Variants in VPS13D observed in about 807,000 individuals in gnomAD.
The protein encoded by VPS13D is vacuolar protein sorting 13 homolog D.
Under a neutral mutation model 461.9 loss-of-function variants are expected in VPS13D, and 187 were observed. The ratio of observed to expected loss-of-function variants is 0.40; its 90% CI spans 0.36 to 0.46. The LOEUF (loss-of-function observed/expected upper bound fraction) is 0.46, where lower values mean the gene tolerates loss of function less well. Ranked by LOEUF, VPS13D falls within the 20% of genes least tolerant of loss-of-function variation. VPS13D has a pLI of 0.60. For synonymous variants in VPS13D, 1,951 were observed against 1,986.3 expected (o/e 0.98, Z 0.47); for missense variants, 4,711 against 5,364.9 (o/e 0.88, Z 3.81).
chr1:12,416,887 C>A, intron 65 of VPS13D, 60 bp downstream of exon 65: 1 of 1,477,416 alleles, frequency 6.8e-7, no homozygotes, highest in Non-Finnish European at 9.0e-7. Context: ...TACAGTACTA[C>A]AATTTCTTTT....
In VPS13D at chr1:12,507,534, A is replaced by G. The variant is rs1206570424; in HGVS notation, c.13035+441A>G. On this transcript the variant is annotated intron_variant, in intron 69 of 69. Coordinates refer to ENST00000620676, the MANE Select transcript of VPS13D (RefSeq NM_015378.4). The surrounding 1 kb of genome is among the most constrained non-coding windows in gnomAD (Gnocchi z 5.3). ...AAACCGTAACTTTTGTTCTAGTAGC[A>G]TCTAGCATGCTCAATAATTATTTGT... 16 of 439,126 alleles carry G rather than the reference A, an allele frequency of 3.6e-5. No individual in the cohort carries two copies. The highest frequency in any genetic ancestry group is 6.3e-5 in the Non-Finnish European group (14 of 221,890). 27.2% of individuals were successfully genotyped at this position (439,126 alleles called of 1,614,324 possible). A position where few individuals can be genotyped will look rare whatever the true frequency, so the allele number is the denominator to read the frequency against.
chr1:12,241,258 A>G (rs989862912), intron 2 of VPS13D, among the ~76,000 whole-genome samples: 1 of 152,164 alleles, frequency 6.6e-6, no homozygotes, highest in Non-Finnish European at 1.5e-5. Context: ...TCTTCTTTAG[A>G]AGCCAGTAAC....
chr1:12,501,505 G>A (rs554649429), intron 68 of VPS13D, among the ~76,000 whole-genome samples: 1 of 152,220 alleles, frequency 6.6e-6, no homozygotes, highest in Non-Finnish European at 1.5e-5. Context: ...GCTAAATCAG[G>A]AGTTCTAAGA....
chr1:12,244,284 C>G lies in VPS13D; in HGVS notation c.214C>G (p.Arg72Gly), dbSNP rs780422216. The change falls in exon 4 of 70, where the codon CGC becomes GGC. Residue 72 changes from arginine (R) to glycine (G), a missense_variant. This residue lies in a region of VPS13D where 4,411 missense variants were observed against 4,937.8 expected (regional missense o/e 0.89). Transcript: ENST00000620676. ...AGTAACCCTTCAGATTCCCTTTTAT[C>G]GCCCCCATGTGGACCCTTGGGTGAT... Reference protein sequence around the residue: ...GKVTLQIPFYRPHVDPWVISI... With the variant: ...GKVTLQIPFYGPHVDPWVISI... 2 of 1,613,564 alleles carry G rather than the reference C, an allele frequency of 1.2e-6. No homozygotes were observed. The highest frequency in any genetic ancestry group is 2.2e-5 in the South Asian group (2 of 90,936).
intron 20 of VPS13D, among the ~76,000 whole-genome samples, chr1:12,280,947 T>A (rs545774291): frequency 4.6e-5 from 7 of 152,118 alleles, no homozygotes; most frequent in South Asian, 4.1e-4. Flanking sequence ...TTTAATTTTT[T>A]AAAAAGTTGA....
At chr1:12,405,609 A>G (rs974735541) in intron 63 of VPS13D, among the ~76,000 whole-genome samples, 30 of 152,200 alleles carry the variant, frequency 2.0e-4, no homozygotes, top group African/African-American at 7.0e-4. Context: ...TGTCTGCTTC[A>G]TTCGCTTTAA....
intron 56 of VPS13D, 22 bp from the exon 57 acceptor site, chr1:12,379,466 C>A: frequency 1.2e-6 from 2 of 1,606,034 alleles, no homozygotes; most frequent in South Asian, 2.2e-5. Flanking sequence ...TTTCATGGTT[C>A]ATTGTGTATT....
chr1:12,393,835 G>A (rs1184397483), intron 60 of VPS13D, among the ~76,000 whole-genome samples: 2 of 152,232 alleles, frequency 1.3e-5, no homozygotes, highest in African/African-American at 4.8e-5. Context: ...ATGCATTCTG[G>A]CACTGGTGAC....
In VPS13D at chr1:12,249,328, G is replaced by A. The variant is rs777005353; in HGVS notation, c.553G>A (p.Val185Met). 3.1e-6 allele frequency: 5 copies of A among 1,612,744 alleles called. No homozygotes were observed. The highest frequency in any genetic ancestry group is 1.7e-5 in the Admixed American group (1 of 59,800). Residue 185 changes from valine (V) to methionine (M), a missense_variant, in exon 6 of 70, where the codon GTG becomes ATG. Coordinates refer to ENST00000620676, the MANE Select transcript of VPS13D (RefSeq NM_015378.4). ...CIKNVSMQNA[V>M]NEPVQKLMRK... ...TAAGAATGTGTCCATGCAAAATGCT[G>A]TGAATGAGCCTGTGAGTATGAAATG...
intron 22 of VPS13D, 139 bp downstream of exon 22, chr1:12,288,452 T>C (rs536869268): frequency 1.4e-6 from 1 of 723,738 alleles, no homozygotes; most frequent in African/African-American, 1.7e-5. Flanking sequence ...TGGCCAGGAT[T>C]CATGGTGGTG....
chr1:12,486,644 C>A lies in VPS13D; in HGVS notation c.12663-10856C>A, dbSNP rs192462359. On this transcript the variant is annotated intron_variant, in intron 67 of 69. Coordinates refer to ENST00000620676, the MANE Select transcript of VPS13D (RefSeq NM_015378.4). The stretch of plus-strand genomic sequence containing the variant: ...GTCGGTAACTTTCTAGTGTCCCCCC[C>A]ACGTTGGAATGATCAGCATTCCTGT... Among the ~76,000 whole-genome samples, 51 of 152,344 alleles carry A rather than the reference C, an allele frequency of 3.3e-4. 1 individual carries two copies. In the East Asian group the frequency reaches 8.5e-3, roughly 25 times the overall value.
rs1646047787 is a variant in VPS13D at position 12,502,445 on chromosome 1, A to G, written c.12795-4408A>G. Among the ~76,000 whole-genome samples the G allele has an allele frequency of 6.6e-6, 1 of 151,994 alleles. No homozygotes were observed. Among genetic ancestry groups the G allele is most frequent in the African/African-American group, 2.4e-5 (1 of 41,360 alleles). On this transcript the variant is annotated intron_variant, in intron 68 of 69. Coordinates refer to ENST00000620676, the MANE Select transcript of VPS13D (RefSeq NM_015378.4). This position sits in a 1 kb window ranked among gnomAD's most constrained non-coding sequence, Gnocchi z 4.3. Reference sequence around the variant, plus strand: ...TGGAGAAGGAGCATCTCCCCAGTGGACGAGCTGAGGTCCCCTGAAGAGGGC... The same window carrying G: ...TGGAGAAGGAGCATCTCCCCAGTGGGCGAGCTGAGGTCCCCTGAAGAGGGC...
At chr1:12,449,409 A>T (rs1321341181) in intron 65 of VPS13D, among the ~76,000 whole-genome samples, 10 of 149,044 alleles carry the variant, frequency 6.7e-5, no homozygotes, top group Admixed American at 2.0e-4. Flanking sequence ...TTTTTTTTTT[A>T]AATGCCTCTT....
chr1:12,453,519 G>A (rs1263366086), intron 65 of VPS13D, among the ~76,000 whole-genome samples: 5 of 152,148 alleles, frequency 3.3e-5, no homozygotes, highest in Admixed American at 3.3e-4. Context: ...CTTAACTGTG[G>A]TTCTCACAGC....
chr1:12,401,524 C>A, intron 61 of VPS13D, 84 bp from the exon 62 acceptor site: 4 of 929,534 alleles, frequency 4.3e-6, no homozygotes, highest in East Asian at 2.5e-5. Context: ...TGAAAGCATA[C>A]CATGTCATTG....
chr1:12,457,482 C>T (rs1645345516), intron 66 of VPS13D, among the ~76,000 whole-genome samples: 1 of 152,196 alleles, frequency 6.6e-6, no homozygotes, highest in African/African-American at 2.4e-5. Context: ...ACTTTGCATT[C>T]ACCTTTCTCC....
At chr1:12,246,750 TC>T (rs1178206552) in intron 5 of VPS13D, among the ~76,000 whole-genome samples, 1 of 152,182 alleles carries the variant, frequency 6.6e-6, no homozygotes, top group Non-Finnish European at 1.5e-5. Context: ...GACTGTGTTG[TC>T]CCCAGGGACA....
rs1643907401 is a variant in VPS13D at position 12,358,528 on chromosome 1, G to A, written c.10068G>A (p.Leu3356=). Residue 3356 remains leucine, a synonymous_variant, in exon 50 of 70, where the codon CTG becomes CTA. Transcript: ENST00000620676. ...GMPGWCQGFS[L]DGGSGVRALK... is the part of the protein sequence containing the mutation. Reference sequence around the variant, plus strand: ...CGGGCTGGTGTCAGGGCTTCTCCCTGGATGGTGGTAGTGGTGTCCGAGCTT... The same window carrying A: ...CGGGCTGGTGTCAGGGCTTCTCCCTAGATGGTGGTAGTGGTGTCCGAGCTT... 1 of 1,614,092 alleles carries A rather than the reference G, an allele frequency of 6.2e-7. No homozygotes were observed. The highest frequency in any genetic ancestry group is 8.5e-7 in the Non-Finnish European group (1 of 1,180,048).
intron 67 of VPS13D, among the ~76,000 whole-genome samples, chr1:12,477,824 A>C (rs940375413): frequency 5.9e-5 from 9 of 152,264 alleles, no homozygotes; most frequent in African/African-American, 2.2e-4. Flanking sequence ...AAATAAGACC[A>C]GCTAGTAACC....
Sources: allele counts gnomAD v4.1 joint callset (sites outside exome capture counted in the v4.1 genomes callset), GRCh38; gene constraint gnomAD v4.1.1; regional missense constraint gnomAD v4.1.1; non-coding constraint Gnocchi (gnomAD v3.1); transcripts MANE v1.5; gene names NCBI Gene and HGNC (gene_info 2026-07-23, HGNC 2026-07-21).